PRRC2C: variants seen among roughly 807,000 people sequenced by gnomAD.
PRRC2C encodes the protein protein PRRC2C.
In PRRC2C, 72 loss-of-function variants were observed where a neutral mutation model predicts 317.2. The ratio of observed to expected loss-of-function variants is 0.23; its 90% confidence interval spans 0.19 to 0.28. The LOEUF (loss-of-function observed/expected upper bound fraction) is 0.28, where lower values mean the gene tolerates loss of function less well. Ranked by LOEUF, PRRC2C falls within the 10% of genes least tolerant of loss-of-function variation. The pLI is 1.00. For missense variants in PRRC2C, 3,074 were observed against 3,459.7 expected, an observed-to-expected ratio of 0.89 and a Z score of 2.80; for synonymous variants, 1,296 against 1,205.9, an observed-to-expected ratio of 1.07 and a Z score of -1.55.
At chr1:171,589,103 T>TC (rs1558062675) in intron 33 of PRRC2C, among the ~76,000 whole-genome samples, 3 of 152,092 alleles carry the variant, frequency 2.0e-5, no homozygotes, top group African/African-American at 7.2e-5. Flanking sequence ...AGTCTTTCTA[T>TC]CCCCCCTTCA....
intron 1 of PRRC2C, among the ~76,000 whole-genome samples, chr1:171,508,973 G>T (rs1023228695): frequency 6.6e-6 from 1 of 151,882 alleles, no homozygotes; most frequent in Non-Finnish European, 1.5e-5. Context: ...CGCAAGCTCC[G>T]CCTTCCAGGT....
At position 171,589,710 on chromosome 1, in the gene PRRC2C, C is replaced by T. The variant is rs1650924792; in HGVS notation, c.8436+105C>T. 1.6e-5 allele frequency: 12 copies of T among 732,748 alleles called. No homozygotes were observed. In the South Asian group the frequency reaches 2.0e-4, roughly 12 times the overall value. 45.4% of individuals were successfully genotyped at this position (732,748 alleles called of 1,614,324 possible). On this transcript the variant is annotated intron_variant, in intron 34 of 34. Transcript: ENST00000647382. ...TATATCCAGGCATTCATTGTCTTAG[C>T]AGACTTAACCAAGCTAACTACTTTT...
intron 26 of PRRC2C, among the ~76,000 whole-genome samples, chr1:171,578,946 A>G (rs764943283): frequency 3.9e-5 from 6 of 152,178 alleles, no homozygotes; most frequent in South Asian, 2.1e-4. Context: ...ATTTATACCA[A>G]ACTTTTAAAA....
intron 23 of PRRC2C, among the ~76,000 whole-genome samples, chr1:171,570,022 A>G (rs545543836): frequency 2.6e-5 from 4 of 152,108 alleles, no homozygotes; most frequent in African/African-American, 9.7e-5. Context: ...CCAGCCTCAT[A>G]TATAGGTGAA....
chr1:171,522,837 C>T (rs890827842), intron 7 of PRRC2C, among the ~76,000 whole-genome samples: 1 of 150,754 alleles, frequency 6.6e-6, no homozygotes, highest in South Asian at 2.1e-4. Context: ...TCTCTTCTTC[C>T]TTTCATATTA....
At chr1:171,528,656 T>C (rs1023297707) in intron 11 of PRRC2C, among the ~76,000 whole-genome samples, 1 of 152,164 alleles carries the variant, frequency 6.6e-6, no homozygotes, top group African/African-American at 2.4e-5. Flanking sequence ...TCATTAGCCC[T>C]CTCCAGGCAT....
chr1:171,491,408 C>T (rs370341464), intron 1 of PRRC2C, among the ~76,000 whole-genome samples: 2 of 152,188 alleles, frequency 1.3e-5, no homozygotes, highest in African/African-American at 2.4e-5. Context: ...GCTTAGGCCT[C>T]GCAGAGGGAA....
chr1:171,527,246 T>C (rs1571797745), intron 10 of PRRC2C, among the ~76,000 whole-genome samples: 1 of 149,470 alleles, frequency 6.7e-6, no homozygotes, highest in Non-Finnish European at 1.5e-5. Flanking sequence ...AGTTCTCCTG[T>C]CTCAGCCTCC....
At position 171,537,483 on chromosome 1, in the gene PRRC2C, T is replaced by A. The variant is rs1677041526; in HGVS notation, c.2504+10T>A. Reference sequence around the variant, plus strand: ...AGCCTGAGGATGTAAGGTAATAAATTATTTCAATTTAATAGATGATACAGA... The same window carrying A: ...AGCCTGAGGATGTAAGGTAATAAATAATTTCAATTTAATAGATGATACAGA... On this transcript the variant is annotated intron_variant, in intron 15 of 34. Coordinates refer to ENST00000647382, the MANE Select transcript of PRRC2C (RefSeq NM_001387844.1). 2 of 1,545,552 alleles carry A rather than the reference T, an allele frequency of 1.3e-6. No individual in the cohort carries two copies. Among genetic ancestry groups the A allele is most frequent in the African/African-American group, 2.7e-5 (2 of 72,898 alleles).
chr1:171,584,716 C>T (rs1245241275), intron 30 of PRRC2C, among the ~76,000 whole-genome samples, 190 bp downstream of exon 30: 2 of 152,268 alleles, frequency 1.3e-5, no homozygotes, highest in East Asian at 3.9e-4. Context: ...CACCCCCCTT[C>T]TCACCACCAT....
At chr1:171,545,436 T>G in intron 16 of PRRC2C, 43 bp from the exon 17 acceptor site, 1 of 1,498,368 alleles carries the variant, frequency 6.7e-7, no homozygotes. Flanking sequence ...TTCTTTTGTT[T>G]GGGTAGGTGG....
chr1:171,575,032 G>A lies in PRRC2C; in HGVS notation c.6859G>A (p.Ala2287Thr). Residue 2287 changes from alanine to threonine, a missense_variant, in exon 25 of 35, where the codon GCC becomes ACC. Ala to Thr is a moderately conservative substitution (Grantham distance 58). Transcript: ENST00000647382. Reference sequence around the variant, plus strand: ...AATTGCAACTGGAGTCAGCAGTAGTGCCAGTGGACCAAGCACTGCTAATTA... The same window carrying A: ...AATTGCAACTGGAGTCAGCAGTAGTACCAGTGGACCAAGCACTGCTAATTA... ...PPIATGVSSS[A>T]SGPSTANYNS... 2 of 1,613,832 alleles carry A rather than the reference G, an allele frequency of 1.2e-6. No homozygotes were observed. Among genetic ancestry groups the A allele is most frequent in the East Asian group, 2.2e-5 (1 of 44,852 alleles).
At chr1:171,517,363 C>T (rs1409184099) in intron 5 of PRRC2C, among the ~76,000 whole-genome samples, 1 of 152,008 alleles carries the variant, frequency 6.6e-6, no homozygotes, top group Non-Finnish European at 1.5e-5. Context: ...ATATTTTCTT[C>T]TCCCACCCCA....
At chr1:171,586,808 G>A (rs902362932) in intron 30 of PRRC2C, among the ~76,000 whole-genome samples, 195 bp from the exon 31 acceptor site, 10 of 150,884 alleles carry the variant, frequency 6.6e-5, no homozygotes, top group African/African-American at 2.4e-4. Context: ...GGATGGTCTC[G>A]ATCTCTTGAC....
At chr1:171,511,930 A>T (rs1298952973) in intron 1 of PRRC2C, 102 bp from the exon 2 acceptor site, 4 of 502,052 alleles carry the variant, frequency 8.0e-6, no homozygotes, top group Non-Finnish European at 1.5e-5. Context: ...AAAAAGTTCT[A>T]TGAAATTATC....
intron 17 of PRRC2C, among the ~76,000 whole-genome samples, chr1:171,547,922 G>A (rs1036195774): frequency 1.3e-5 from 2 of 151,824 alleles, no homozygotes; most frequent in Non-Finnish European, 2.9e-5. Context: ...CAAAGTGCTG[G>A]GATTAAAGGC....
chr1:171,577,577 C>T lies in PRRC2C; in HGVS notation c.7099C>T (p.Pro2367Ser), dbSNP rs956652183. 12 of 1,613,836 alleles carry T rather than the reference C, an allele frequency of 7.4e-6. No individual in the cohort carries two copies. Among genetic ancestry groups the T allele is most frequent in the Middle Eastern group, 1.6e-4 (1 of 6,062 alleles). The stretch of plus-strand genomic sequence containing the variant: ...TCATTTTTCACAGTTAAGCTGTATG[C>T]CTTCCCTTATTGCCCAGCAGCAACA... ...ASHFSQLSCM[P>S]SLIAQQQQNP... is the part of the protein sequence containing the mutation. The change falls in exon 26 of 35, where the codon CCT becomes TCT. Residue 2367 changes from proline to serine, a missense_variant. Physicochemically the swap from Pro to Ser is moderately conservative, Grantham distance 74. Around this residue, in one of 11 missense-constraint regions of PRRC2C, gnomAD observed 490 missense variants for 663.1 expected, o/e 0.74. Transcript: ENST00000647382.
chr1:171,513,457 C>A, intron 3 of PRRC2C: 1 of 519,050 alleles, frequency 1.9e-6, no homozygotes, highest in South Asian at 1.5e-5. Flanking sequence ...CTCAGGTATT[C>A]CCTTTCCAAT....
At chr1:171,560,893 A>C (rs887018859) in intron 19 of PRRC2C, 125 bp from the exon 20 acceptor site, 15 of 794,416 alleles carry the variant, frequency 1.9e-5, no homozygotes, top group Admixed American at 1.1e-4. Flanking sequence ...CTGATTTGAA[A>C]AGTGATTGTT....
Sources: allele counts gnomAD v4.1 joint callset (sites outside exome capture counted in the v4.1 genomes callset), GRCh38; gene constraint gnomAD v4.1.1; regional missense constraint gnomAD v4.1.1; transcripts MANE v1.5; gene names NCBI Gene and HGNC (gene_info 2026-07-23, HGNC 2026-07-21).